Variants in SCN1A observed in about 807,000 individuals in gnomAD.
The protein encoded by SCN1A is sodium voltage-gated channel alpha subunit 1.
In SCN1A, 13 loss-of-function variants were observed where a neutral mutation model predicts 193.7. The observed-to-expected ratio is 0.07, with a 90% CI of 0.04 to 0.11. SCN1A has a LOEUF of 0.11. SCN1A is among the 10% of genes least tolerant of loss of function. SCN1A has a pLI of 1.00. For missense variants in SCN1A, 1,432 were observed against 2,451.1 expected (o/e 0.58, Z 8.78); for synonymous variants, 781 against 843.6 (o/e 0.93, Z 1.29).
intron 2 of SCN1A, among the ~76,000 whole-genome samples, chr2:166,095,410 G>A (rs564855027): frequency 2.0e-5 from 3 of 152,286 alleles, no homozygotes; most frequent in African/African-American, 7.2e-5. Context: ...GAATTACTGT[G>A]TCAAGTTTTT....
At chr2:166,011,239 C>T (rs1360581007) in intron 22 of SCN1A, among the ~76,000 whole-genome samples, 3 of 151,140 alleles carry the variant, frequency 2.0e-5, no homozygotes, top group Admixed American at 6.6e-5. Flanking sequence ...ACACTTTCCA[C>T]AAGAAACCCT....
chr2:166,032,696 T>C (rs1396613963), intron 19 of SCN1A, among the ~76,000 whole-genome samples: 1 of 152,092 alleles, frequency 6.6e-6, no homozygotes, highest in Non-Finnish European at 1.5e-5. Flanking sequence ...AGGGGATAAA[T>C]AGAAGTTTCA....
intron 2 of SCN1A, among the ~76,000 whole-genome samples, chr2:166,119,216 G>A (rs916302161): frequency 6.6e-6 from 1 of 152,152 alleles, no homozygotes; most frequent in Non-Finnish European, 1.5e-5. Context: ...ATGTTACTAA[G>A]TTACATCATT....
intron 2 of SCN1A, among the ~76,000 whole-genome samples, chr2:166,079,710 A>C (rs16851472): frequency 0.024 from 3,656 of 151,190 alleles, 219 homozygotes; most frequent in Admixed American, 0.14. Flanking sequence ...GTCACTAGCT[A>C]TCATTTACTG....
At chr2:166,011,032 A>C (rs1294433236) in intron 22 of SCN1A, among the ~76,000 whole-genome samples, 1 of 151,216 alleles carries the variant, frequency 6.6e-6, no homozygotes, top group Non-Finnish European at 1.5e-5. Flanking sequence ...AAATTGAAAC[A>C]TAATGTAACT....
intron 1 of SCN1A, among the ~76,000 whole-genome samples, chr2:166,135,345 T>A (rs905201234): frequency 1.3e-5 from 2 of 152,096 alleles, no homozygotes; most frequent in Admixed American, 6.6e-5. Context: ...AGAATAAAAC[T>A]GAACTTTGCC....
At chr2:166,048,189 T>C (rs1016300566) in intron 10 of SCN1A, among the ~76,000 whole-genome samples, 1 of 152,116 alleles carries the variant, frequency 6.6e-6, no homozygotes, top group Non-Finnish European at 1.5e-5. Flanking sequence ...AATAGATATT[T>C]TTCTCTTTTT....
intron 2 of SCN1A, among the ~76,000 whole-genome samples, chr2:166,099,095 C>T (rs1687731540): frequency 6.6e-6 from 1 of 152,148 alleles, no homozygotes; most frequent in Non-Finnish European, 1.5e-5. Flanking sequence ...CATCACACCA[C>T]CCAACTATAA....
rs539034474 is a variant in SCN1A at position 166,007,630 on chromosome 2, C to T, written c.4002+2089G>A. 4.6e-5 allele frequency among the ~76,000 whole-genome samples: 7 copies of T among 151,280 alleles called. No individual in the cohort carries two copies. The highest frequency in any genetic ancestry group is 2.1e-4 in the South Asian group (1 of 4,824). On this transcript the variant is annotated intron_variant, in intron 23 of 28. Transcript: ENST00000674923. ...AAAACATGCAAAACACAAAGTGCAA[C>T]GTGATGATAATTTATTTGTTACTTT...
At chr2:166,089,158 C>T (rs944903437) in intron 2 of SCN1A, among the ~76,000 whole-genome samples, 2 of 152,048 alleles carry the variant, frequency 1.3e-5, no homozygotes, top group African/African-American at 4.8e-5. Context: ...CCTATCCCTC[C>T]CCTAGGCCCC....
At chr2:166,053,210 G>T in intron 7 of SCN1A, 1 of 656,704 alleles carries the variant, frequency 1.5e-6, no homozygotes, top group South Asian at 1.8e-5. Flanking sequence ...AGACCTTCTT[G>T]GTGATTTTAA....
chr2:166,123,558 CTG>C (rs1343464259), intron 2 of SCN1A: 2 of 152,126 alleles, frequency 1.3e-5, no homozygotes, highest in African/African-American at 2.4e-5. Context: ...CTGTAACTGA[CTG>C]TGAACAATCA....
chr2:166,001,995 T>A (rs17735577), intron 24 of SCN1A, among the ~76,000 whole-genome samples: 44,669 of 148,954 alleles, frequency 0.3, 7,756 homozygotes, highest in Non-Finnish European at 0.4. Context: ...TAAATGTCAT[T>A]CCCCAAACTT....
Position 166,045,058 on chromosome 2 carries a change from G to A in SCN1A, c.1647C>T (p.Tyr549=). 1 of 1,614,154 alleles carries A rather than the reference G, an allele frequency of 6.2e-7. No homozygotes were observed. The highest frequency in any genetic ancestry group is 8.5e-7 in the Non-Finnish European group (1 of 1,180,012). ...EGNRLTYEKR[Y]SSPHQSLLSI... ...AGTGCCATACCTGGTGTGGGGAGGA[G>A]TACCTCTTTTCATATGTCAATCGGT... Residue 549 remains tyrosine (Y), a synonymous_variant, in exon 13 of 29, where the codon TAC becomes TAT. Coordinates refer to ENST00000674923, the MANE Select transcript of SCN1A (RefSeq NM_001165963.4).
intron 4 of SCN1A, among the ~76,000 whole-genome samples, chr2:166,072,415 C>T (rs577619182): frequency 2.6e-5 from 4 of 152,210 alleles, no homozygotes; most frequent in South Asian, 4.2e-4. Flanking sequence ...GAAAAAAGCA[C>T]GCATTCAAAT....
chr2:166,041,540 C>T lies in SCN1A; in HGVS notation c.2177-71G>A, dbSNP rs1480213663. ...TATACACACACATTTATTTCATATCCACTAAACTTATTTTCAGTAATCAAC... is the reference window on the plus strand; with the variant it reads ...TATACACACACATTTATTTCATATCTACTAAACTTATTTTCAGTAATCAAC... On this transcript the variant is annotated intron_variant, in intron 15 of 28. Transcript: ENST00000674923. 4 of 1,013,858 alleles carry T rather than the reference C, an allele frequency of 3.9e-6. No individual in the cohort carries two copies. The African/African-American group carries it at 4.9e-5, about 12-fold the overall frequency. The allele number at this position is 1,013,858 out of a possible 1,614,324, so 62.8% of individuals were successfully genotyped here. A position where few individuals can be genotyped will look rare whatever the true frequency, so the allele number is the denominator to read the frequency against.
chr2:166,104,109 G>A (rs768959323), intron 2 of SCN1A: 18 of 152,062 alleles, frequency 1.2e-4, no homozygotes, highest in Non-Finnish European at 2.4e-4. Context: ...TTTTATTGGT[G>A]GTATATAGAG....
At chr2:166,125,529 T>C (rs558989351) in intron 2 of SCN1A, among the ~76,000 whole-genome samples, 1 of 152,324 alleles carries the variant, frequency 6.6e-6, no homozygotes, top group South Asian at 2.1e-4. Flanking sequence ...TTTCTCTTCT[T>C]CGTCAGCAAT....
intron 4 of SCN1A, among the ~76,000 whole-genome samples, chr2:166,069,279 C>A (rs1684167075): frequency 6.6e-6 from 1 of 152,152 alleles, no homozygotes; most frequent in African/African-American, 2.4e-5. Context: ...AGGCTTAAAA[C>A]ATCTGAGGAT....
Sources: allele counts gnomAD v4.1 joint callset (sites outside exome capture counted in the v4.1 genomes callset), GRCh38; gene constraint gnomAD v4.1.1; transcripts MANE v1.5; gene names NCBI Gene and HGNC (gene_info 2026-07-23, HGNC 2026-07-21).